The following ZNF605 variants were observed in gnomAD, a reference collection of about 807,000 sequenced individuals.
ZNF605 encodes the protein zinc finger protein 605.
In ZNF605, 9 loss-of-function variants were observed where a neutral mutation model predicts 7.9. The observed-to-expected ratio is 1.14, with a 90% confidence interval of 0.68 to 1.98. The LOEUF is 1.98. Among genes scored for constraint, ZNF605 ranks in the 30% most tolerant of loss-of-function variants. ZNF605 has a pLI of 0.00. For synonymous variants in ZNF605, 255 were observed against 260.1 expected (o/e 0.98, Z 0.19); for missense variants, 673 against 762.4 (o/e 0.88, Z 1.38).
chr12:132,935,316 C>A (rs1027290859), intron 3 of ZNF605, among the ~76,000 whole-genome samples: 26 of 152,280 alleles, frequency 1.7e-4, no homozygotes, highest in African/African-American at 6.3e-4. Context: ...AAATCAATTT[C>A]TTGCCTCAAA....
chr12:132,954,297 C>T (rs1445550616), intron 1 of ZNF605, among the ~76,000 whole-genome samples: 2 of 140,432 alleles, frequency 1.4e-5, no homozygotes, highest in Admixed American at 7.4e-5. Context: ...CTCTGAGTCC[C>T]AAAGGATCCC....
intron 1 of ZNF605, among the ~76,000 whole-genome samples, chr12:132,950,455 GCA>G (rs1313919519): frequency 7.4e-6 from 1 of 134,826 alleles, no homozygotes; most frequent in Non-Finnish European, 1.5e-5. Context: ...GTGCACAGAC[GCA>G]CATACAGACA....
At chr12:132,930,742 G>T (rs1380468251) in intron 4 of ZNF605, among the ~76,000 whole-genome samples, 1 of 152,128 alleles carries the variant, frequency 6.6e-6, no homozygotes, top group Non-Finnish European at 1.5e-5. Context: ...CATGAGAAGT[G>T]GTTCTAAATT....
In ZNF605 at chr12:132,926,771, T is replaced by G; in HGVS notation, c.528A>C (p.Arg176Ser). The G allele has an allele frequency of 3.7e-6, 6 of 1,613,904 alleles. No homozygotes were observed. Among genetic ancestry groups the G allele is most frequent in the Non-Finnish European group, 5.1e-6 (6 of 1,179,812 alleles). Residue 176 changes from arginine to serine, a missense_variant, in exon 5 of 5, where the codon AGA becomes AGC. Arg to Ser is a moderately radical substitution (Grantham distance 110, BLOSUM62 -1). Transcript: ENST00000360187. ...CAAGTTGTGACTTCTTGTTAAAAAA[T>G]CTGCCACATTCCATGCATAAATAGA... ...TGVYLCMECG[R>S]FFNKKSQLVI...
chr12:132,931,314 C>T (rs1952306672), intron 4 of ZNF605, among the ~76,000 whole-genome samples: 1 of 152,146 alleles, frequency 6.6e-6, no homozygotes, highest in Non-Finnish European at 1.5e-5. Flanking sequence ...CAAGTAAGTG[C>T]ATACCACAAA....
intron 2 of ZNF605, among the ~76,000 whole-genome samples, chr12:132,946,482 T>A (rs1017534323): frequency 6.6e-6 from 1 of 152,166 alleles, no homozygotes; most frequent in Non-Finnish European, 1.5e-5. Context: ...GCAGGGAATG[T>A]CTTATGTTGC....
intron 1 of ZNF605, among the ~76,000 whole-genome samples, chr12:132,953,155 C>G (rs956592835): frequency 6.6e-6 from 1 of 152,172 alleles, no homozygotes; most frequent in Non-Finnish European, 1.5e-5. Context: ...ACCACCGAAC[C>G]CCATCAACCC....
In ZNF605 at chr12:132,926,638, C is replaced by T. The variant is rs1411579290; in HGVS notation, c.661G>A (p.Gly221Arg). 3 of 1,614,040 alleles carry T rather than the reference C, an allele frequency of 1.9e-6. No homozygotes were observed. In the African/African-American group the frequency reaches 4.0e-5, roughly 22 times the overall value. Reference protein sequence around the residue: ...LLTVHQRTHSGEKPHGCSECQ... With the variant: ...LLTVHQRTHSREKPHGCSECQ... ...TCGCTGCACCCATGCGGTTTTTCTC[C>T]TGAGTGAGTTCTTTGATGAACCGTG... The change falls in exon 5 of 5, where the codon GGA becomes AGA. Residue 221 changes from glycine to arginine, a missense_variant. Gly to Arg is a moderately radical substitution (Grantham distance 125, BLOSUM62 -2). Transcript: ENST00000360187.
At chr12:132,950,516 C>T (rs1337918499) in intron 1 of ZNF605, among the ~76,000 whole-genome samples, 1 of 147,536 alleles carries the variant, frequency 6.8e-6, no homozygotes, top group Non-Finnish European at 1.5e-5. Context: ...CGCAGACATG[C>T]ACACACACAG....
intron 3 of ZNF605, among the ~76,000 whole-genome samples, chr12:132,939,298 A>G (rs900771706): frequency 6.6e-6 from 1 of 152,104 alleles, no homozygotes; most frequent in African/African-American, 2.4e-5. Context: ...TGTTTAGCTC[A>G]AGGTTTGTGA....
intron 4 of ZNF605, among the ~76,000 whole-genome samples, chr12:132,931,406 T>C (rs2137131170): frequency 6.6e-6 from 1 of 152,318 alleles, no homozygotes; most frequent in Admixed American, 6.5e-5. Context: ...TTTAGGAATT[T>C]CAGATAATGT....
chr12:132,942,719 G>T (rs1952455890), intron 3 of ZNF605, among the ~76,000 whole-genome samples: 1 of 152,198 alleles, frequency 6.6e-6, no homozygotes, highest in African/African-American at 2.4e-5. Context: ...AGACATTCAG[G>T]TCACGTTCAG....
chr12:132,940,041 G>GT (rs1472254519), intron 3 of ZNF605, among the ~76,000 whole-genome samples: 1 of 152,226 alleles, frequency 6.6e-6, no homozygotes, highest in Non-Finnish European at 1.5e-5. Flanking sequence ...CCGAAGAGCT[G>GT]TAACACTCAC....
chr12:132,925,578 G>A lies in ZNF605; in HGVS notation c.1721C>T (p.Ala574Val). The A allele has an allele frequency of 6.2e-7, 1 of 1,614,108 alleles. No homozygotes were observed. The highest frequency in any genetic ancestry group is 8.5e-7 in the Non-Finnish European group (1 of 1,180,028). Residue 574 changes from alanine to valine, a missense_variant, in exon 5 of 5, where the codon GCA becomes GTA. Ala to Val is a moderately conservative substitution (Grantham distance 64). Coordinates refer to ENST00000360187, the MANE Select transcript of ZNF605 (RefSeq NM_183238.4). ...AATTCTCTGATGTATAATCAGCTGT[G>A]CCTTCTCAAAGAAAGCTTTTGCACA... ...SDCAKAFFEK[A>V]QLIIHQRIHT...
At position 132,918,902 on chromosome 12, in the gene ZNF605, T is replaced by C. The variant is rs1287032014; in HGVS notation, c.*6471A>G. On this transcript the variant is annotated 3_prime_UTR_variant, in exon 5 of 5. Transcript: ENST00000360187. ...CACCTGGCCAGCCTTACCCTTGTAA[T>C]GAAGCAGTGAAGTACAGCTGGCCCA... is the stretch of plus-strand genomic sequence containing the variant. The C allele has an allele frequency of 1.3e-5, 2 of 152,202 alleles. No individual in the cohort carries two copies. Among genetic ancestry groups the C allele is most frequent in the African/African-American group, 4.8e-5 (2 of 41,442 alleles). 9.4% of individuals were successfully genotyped at this position (152,202 alleles called of 1,614,324 possible). A position where few individuals can be genotyped will look rare whatever the true frequency, so the allele number is the denominator to read the frequency against.
Position 132,925,775 on chromosome 12 carries a change from A to G in ZNF605, c.1524T>C (p.Ser508=). 6 of 1,614,040 alleles carry G rather than the reference A, an allele frequency of 3.7e-6. No individual in the cohort carries two copies. Among genetic ancestry groups the G allele is most frequent in the Non-Finnish European group, 5.1e-6 (6 of 1,179,992 alleles). The change falls in exon 5 of 5, where the codon AGT becomes AGC. Residue 508 remains serine, a synonymous_variant. Transcript: ENST00000360187. ...TCCAGGCAAAAGCTTTCCTACATTC[A>G]CTACATTCAAAGGGCTTTTCTCCAG... ...THTGEKPFEC[S]ECRKAFAWKP...
chr12:132,926,157 A>C lies in ZNF605; in HGVS notation c.1142T>G (p.Ile381Ser), dbSNP rs1382907955. Residue 381 changes from isoleucine to serine, a missense_variant, in exon 5 of 5, where the codon ATT (isoleucine) becomes AGT (serine). Transcript: ENST00000360187. The part of the protein sequence containing the change: ...GEAFIRKPQL[I>S]KHQITHTGEK... ...TCCTGTGTGAGTTATCTGATGTTTA[A>C]TCAGCTGTGGTTTTCTGATGAAGGC... 6.2e-7 allele frequency: 1 copy of C among 1,614,124 alleles called. No individual in the cohort carries two copies. Among genetic ancestry groups the C allele is most frequent in the East Asian group, 2.2e-5 (1 of 44,872 alleles).
intron 1 of ZNF605, among the ~76,000 whole-genome samples, chr12:132,949,923 T>C (rs1001290106): frequency 2.0e-5 from 3 of 152,194 alleles, no homozygotes; most frequent in Admixed American, 1.3e-4. Flanking sequence ...TAGTCCGCAG[T>C]GTGAAGGGTT....
At chr12:132,934,148 G>C (rs1445690105) in intron 3 of ZNF605, among the ~76,000 whole-genome samples, 1 of 151,958 alleles carries the variant, frequency 6.6e-6, no homozygotes, top group African/African-American at 2.4e-5. Flanking sequence ...GGGTGGTGGT[G>C]GGCACCTGCA....
Sources: allele counts gnomAD v4.1 joint callset (sites outside exome capture counted in the v4.1 genomes callset), GRCh38; gene constraint gnomAD v4.1.1; transcripts MANE v1.5; gene names NCBI Gene and HGNC (gene_info 2026-07-23, HGNC 2026-07-21).